The following EML4 variants were observed in gnomAD, a reference collection of about 807,000 sequenced individuals.
EML4 encodes EMAP like 4.
In EML4, 72 loss-of-function variants were observed where a neutral mutation model predicts 129.0. The observed-to-expected ratio is 0.56, with a 90% confidence interval of 0.46 to 0.68. The LOEUF (loss-of-function observed/expected upper bound fraction) is 0.68. Among genes scored for constraint, EML4 ranks in the 30% least tolerant of loss-of-function variants. The pLI is 0.00. For synonymous variants in EML4, 532 were observed against 405.0 expected (o/e 1.31, Z -3.77); for missense variants, 1,363 against 1,190.6 (o/e 1.14, Z -2.13).
intron 17 of EML4, among the ~76,000 whole-genome samples, chr2:42,306,741 C>G (rs947010425): frequency 6.6e-6 from 1 of 151,524 alleles, no homozygotes. Context: ...CCTCGTGATC[C>G]TCCCGCCTCG....
At chr2:42,302,788 C>T (rs1281367742) in intron 14 of EML4, among the ~76,000 whole-genome samples, 1 of 152,146 alleles carries the variant, frequency 6.6e-6, no homozygotes, top group Non-Finnish European at 1.5e-5. Context: ...CCCGCATTGG[C>T]CTCCAAATGT....
Position 42,325,376 on chromosome 2 carries a change from T to C in EML4, c.2155-91T>C, listed in dbSNP as rs181517406. Reference sequence around the variant, plus strand: ...CCTCTCCTTTAGAAATTCCAACAAATGTGTATTCAGAAACAGTATTGGCTA... The same window carrying C: ...CCTCTCCTTTAGAAATTCCAACAAACGTGTATTCAGAAACAGTATTGGCTA... On this transcript the variant is annotated intron_variant, in intron 19 of 22. Transcript: ENST00000318522. 4.7e-4 allele frequency: 301 copies of C among 635,780 alleles called. No homozygotes were observed. The African/African-American group carries it at 5.0e-3, about 11-fold the overall frequency. The allele number at this position is 635,780 out of a possible 1,614,324, so 39.4% of individuals were successfully genotyped here. A position where few individuals can be genotyped will look rare whatever the true frequency, so the allele number is the denominator to read the frequency against.
intron 9 of EML4, among the ~76,000 whole-genome samples, chr2:42,285,697 C>G (rs900557360): frequency 6.6e-6 from 1 of 151,374 alleles, no homozygotes; most frequent in Non-Finnish European, 1.5e-5. Flanking sequence ...CTCCCAGGTT[C>G]AAGCAATTCA....
At chr2:42,274,634 C>T (rs1224172317) in intron 6 of EML4, among the ~76,000 whole-genome samples, 2 of 152,150 alleles carry the variant, frequency 1.3e-5, no homozygotes, top group Non-Finnish European at 1.5e-5. Context: ...ACTTTAAAAA[C>T]CATTATTTAT....
rs553906362 is a variant in EML4 at position 42,291,697 on chromosome 2, C to T, written c.1218+3375C>T. On this transcript the variant is annotated intron_variant, in intron 11 of 22. Transcript: ENST00000318522. ...CTGGGATTACAGGTGTGAGCCACCA[C>T]GCCCCGCCTATCAAGACACCTTTAA... Among the ~76,000 whole-genome samples, 7 of 152,180 alleles carry T rather than the reference C, an allele frequency of 4.6e-5. 1 individual carries two copies. The South Asian group carries it at 1.0e-3, about 23-fold the overall frequency.
chr2:42,176,833 G>A (rs1406427928), intron 1 of EML4, among the ~76,000 whole-genome samples: 6 of 151,848 alleles, frequency 4.0e-5, no homozygotes, highest in Non-Finnish European at 7.4e-5. Context: ...TTGCTTTGTC[G>A]CCCAGGCTGG....
chr2:42,316,785 A>C (rs1256119545), intron 18 of EML4, among the ~76,000 whole-genome samples: 1 of 152,244 alleles, frequency 6.6e-6, no homozygotes, highest in Non-Finnish European at 1.5e-5. Flanking sequence ...CAAAGGAAGC[A>C]CAGAGAGTAG....
At chr2:42,317,346 G>A in intron 18 of EML4, 81 bp from the exon 19 acceptor site, 1 of 912,300 alleles carries the variant, frequency 1.1e-6, no homozygotes, top group Non-Finnish European at 1.7e-6. Flanking sequence ...AGATTTAACA[G>A]CATTTGTAAA....
intron 1 of EML4, among the ~76,000 whole-genome samples, chr2:42,182,889 G>A (rs1224297923): frequency 6.6e-6 from 1 of 152,120 alleles, no homozygotes; most frequent in Non-Finnish European, 1.5e-5. Flanking sequence ...CCTTTTCTTT[G>A]TGTGTACATA....
In EML4 at chr2:42,316,852, G is replaced by C. The variant is rs191779368; in HGVS notation, c.2057-575G>C. ...ATGTACTTTAAGCTATAAGCCTTTT[G>C]AGTCCTCATGAAGCACAAAAATTTT... On this transcript the variant is annotated intron_variant, in intron 18 of 22. Transcript: ENST00000318522. Among the ~76,000 whole-genome samples the C allele has an allele frequency of 2.0e-3, 307 of 152,320 alleles. 2 individuals carry two copies. The highest frequency in any genetic ancestry group is 6.9e-3 in the African/African-American group (287 of 41,568).
Position 42,303,434 on chromosome 2 carries a change from C to G in EML4, c.1887C>G (p.Thr629=). 1.2e-6 allele frequency: 2 copies of G among 1,613,788 alleles called. No individual in the cohort carries two copies. Among genetic ancestry groups the G allele is most frequent in the South Asian group, 2.2e-5 (2 of 90,970 alleles). ...CAATGGAACACAGGCTGGAATGGAC[C>G]AGGCTGGTAGATGTGAGTGAAGCAG... ...WNSMEHRLEW[T]RLVDEPGHCA... Residue 629 remains threonine, a synonymous_variant, in exon 16 of 23, where the codon ACC becomes ACG. Coordinates refer to ENST00000318522, the MANE Select transcript of EML4 (RefSeq NM_019063.5).
rs146840281 is a variant in EML4 at position 42,244,247 on chromosome 2, C to T, written c.26-1258C>T. The stretch of plus-strand genomic sequence containing the variant: ...CCAAGTAGCTGGGACTACAGGCACA[C>T]GCCACCAAGCCCGGCTAATTTTTTG... On this transcript the variant is annotated intron_variant, in intron 1 of 22. Coordinates refer to ENST00000318522, the MANE Select transcript of EML4 (RefSeq NM_019063.5). 5.8e-3 allele frequency among the ~76,000 whole-genome samples: 880 copies of T among 151,798 alleles called. 6 individuals are homozygous for T. The highest frequency in any genetic ancestry group is 0.02 in the African/African-American group (836 of 41,392).
At chr2:42,262,719 T>C (rs995327861) in intron 4 of EML4, among the ~76,000 whole-genome samples, 1 of 152,206 alleles carries the variant, frequency 6.6e-6, no homozygotes, top group African/African-American at 2.4e-5. Context: ...CCTAAAGATA[T>C]AAACAAGAGT....
intron 1 of EML4, among the ~76,000 whole-genome samples, chr2:42,210,615 G>T (rs1159642692): frequency 6.6e-6 from 1 of 152,102 alleles, no homozygotes; most frequent in African/African-American, 2.4e-5. Context: ...CATTTATTTA[G>T]AATTCTTCTG....
At chr2:42,263,734 A>G (rs1414238545) in intron 5 of EML4, among the ~76,000 whole-genome samples, 1 of 145,888 alleles carries the variant, frequency 6.9e-6, no homozygotes, top group Non-Finnish European at 1.5e-5. Flanking sequence ...ACTCTGTATT[A>G]TAATTTATAC....
intron 13 of EML4, among the ~76,000 whole-genome samples, chr2:42,296,301 T>C (rs914376368): frequency 6.6e-6 from 1 of 151,914 alleles, no homozygotes; most frequent in African/African-American, 2.4e-5. Flanking sequence ...ACAGTAGAAA[T>C]AGAACTAGCT....
At chr2:42,232,261 A>G (rs1188080319) in intron 1 of EML4, among the ~76,000 whole-genome samples, 1 of 152,190 alleles carries the variant, frequency 6.6e-6, no homozygotes, top group East Asian at 1.9e-4. Context: ...GTGGTGGGAA[A>G]AAAAGCCCTA....
chr2:42,236,290 GGTT>G (rs1674669178), intron 1 of EML4, among the ~76,000 whole-genome samples: 2 of 152,110 alleles, frequency 1.3e-5, no homozygotes, highest in African/African-American at 4.8e-5. Context: ...ATATTCTGTT[GGTT>G]GTTAATATCA....
At chr2:42,206,244 C>T (rs1672531621) in intron 1 of EML4, among the ~76,000 whole-genome samples, 1 of 152,100 alleles carries the variant, frequency 6.6e-6, no homozygotes, top group African/African-American at 2.4e-5. Context: ...GACAGGGTCT[C>T]ACTCTGTCAC....
Sources: gnomAD v4.1 joint callset for allele counts (sites outside exome capture counted in the v4.1 genomes callset) on GRCh38, gnomAD v4.1.1 for gene constraint, MANE v1.5 for transcripts, NCBI Gene and HGNC (gene_info 2026-07-23, HGNC 2026-07-21) for gene names.